CDYL2: variants seen among roughly 807,000 people sequenced by gnomAD.
The protein encoded by CDYL2 is chromodomain Y like 2.
CDYL2 carries 23 observed loss-of-function variants against 49.4 expected under a neutral mutation model. That is an observed-to-expected ratio of 0.47 (90% confidence interval 0.34 to 0.66). CDYL2 has a LOEUF of 0.66. Ranked by LOEUF, CDYL2 falls within the 30% of genes least tolerant of loss-of-function variation. CDYL2 has a pLI of 0.01. For synonymous variants in CDYL2, 360 were observed against 268.8 expected, an observed-to-expected ratio of 1.34 and a Z score of -3.32; for missense variants, 678 against 656.4, an observed-to-expected ratio of 1.03 and a Z score of -0.36.
At chr16:80,747,215 G>A (rs1181070228) in intron 1 of CDYL2, among the ~76,000 whole-genome samples, 1 of 152,136 alleles carries the variant, frequency 6.6e-6, no homozygotes, top group Non-Finnish European at 1.5e-5. Context: ...CCCACCACCT[G>A]TCGATGTTCC....
chr16:80,703,419 A>G (rs189497016), intron 1 of CDYL2, among the ~76,000 whole-genome samples: 1 of 152,286 alleles, frequency 6.6e-6, no homozygotes, highest in East Asian at 1.9e-4. Flanking sequence ...GAACACAGAA[A>G]GCCTCAGGCT....
In CDYL2 at chr16:80,792,127, C is replaced by A. The variant is rs145168093; in HGVS notation, c.24+12023G>T. Among the ~76,000 whole-genome samples the A allele has an allele frequency of 9.9e-5, 15 of 152,248 alleles. No homozygotes were observed. The East Asian group carries it at 2.7e-3, about 27-fold the overall frequency. ...GAGGCTAGGAATCCAGAAGGAAGAT[C>A]CTAACTTCAACTTTTGATATTTTGA... On this transcript the variant is annotated intron_variant, in intron 1 of 6. Transcript: ENST00000570137.
Position 80,692,287 on chromosome 16 carries a change from G to T in CDYL2, c.25-7158C>A, listed in dbSNP as rs574948435. 4.6e-5 allele frequency among the ~76,000 whole-genome samples: 7 copies of T among 152,186 alleles called. No individual in the cohort carries two copies. The South Asian group carries it at 1.5e-3, about 32-fold the overall frequency. ...ACTGAATTATCTGCCTCATCCCCCA[G>T]CCCTCCCCCATCCAAAAATCAGGCC... On this transcript the variant is annotated intron_variant, in intron 1 of 6. Coordinates refer to ENST00000570137, the MANE Select transcript of CDYL2 (RefSeq NM_152342.4).
rs578240363 is a variant in CDYL2, at chr16:80,793,008, A to G, written c.24+11142T>C. 2.0e-5 allele frequency among the ~76,000 whole-genome samples: 3 copies of G among 152,304 alleles called. No individual in the cohort carries two copies. The East Asian group carries it at 5.8e-4, about 29-fold the overall frequency. On this transcript the variant is annotated intron_variant, in intron 1 of 6. Transcript: ENST00000570137. ...AGCTGAGATCTTAGTTGTAACCTCA[A>G]TGCAGAGCAGCTTCGCCATCTGTCC...
intron 2 of CDYL2, among the ~76,000 whole-genome samples, chr16:80,635,691 T>C (rs933623327): frequency 1.3e-5 from 2 of 152,228 alleles, no homozygotes; most frequent in Non-Finnish European, 2.9e-5. Flanking sequence ...ACTGAATTTC[T>C]TTACAGAATT....
chr16:80,804,580 C>T lies in CDYL2; in HGVS notation c.-407G>A, dbSNP rs1413019770. ...GAAGCCGCCCGGCGCCCGCCGCCGGCCCGGACGCTGCTGCCACTGGGCGAG... is the reference window on the plus strand; with the variant it reads ...GAAGCCGCCCGGCGCCCGCCGCCGGTCCGGACGCTGCTGCCACTGGGCGAG... On this transcript the variant is annotated 5_prime_UTR_variant, in exon 1 of 7. Transcript: ENST00000570137. 6.9e-6 allele frequency among the ~76,000 whole-genome samples: 1 copy of T among 145,416 alleles called. No homozygotes were observed. Among genetic ancestry groups the T allele is most frequent in the Non-Finnish European group, 1.5e-5 (1 of 65,452 alleles).
At chr16:80,764,654 TGGTATCTAATA>T (rs1906651889) in intron 1 of CDYL2, among the ~76,000 whole-genome samples, 1 of 152,164 alleles carries the variant, frequency 6.6e-6, no homozygotes, top group Non-Finnish European at 1.5e-5. Context: ...CTAGCATCAA[TGGTATCTAATA>T]TATACTGTAG....
rs767924241 is a variant in CDYL2, at chr16:80,792,677, T to C, written c.24+11473A>G. On this transcript the variant is annotated intron_variant, in intron 1 of 6. Transcript: ENST00000570137. Reference sequence around the variant, plus strand: ...GGGCAAGAAGGGATGGTGTCATGGATAACGTGATACTCCACCCAGGAGTAT... The same window carrying C: ...GGGCAAGAAGGGATGGTGTCATGGACAACGTGATACTCCACCCAGGAGTAT... 9.9e-5 allele frequency among the ~76,000 whole-genome samples: 15 copies of C among 152,226 alleles called. No individual in the cohort carries two copies. In the South Asian group the frequency reaches 3.1e-3, roughly 32 times the overall value.
chr16:80,765,657 AATCCAAATGTCC>A (rs1350137665), intron 1 of CDYL2, among the ~76,000 whole-genome samples: 1 of 151,364 alleles, frequency 6.6e-6, no homozygotes, highest in Non-Finnish European at 1.5e-5. Flanking sequence ...ATGTGAAAAC[AATCCAAATGTCC>A]ATCAACTGAA....
At chr16:80,709,567 C>CAG (rs1341749000) in intron 1 of CDYL2, among the ~76,000 whole-genome samples, 1 of 146,690 alleles carries the variant, frequency 6.8e-6, no homozygotes, top group Non-Finnish European at 1.5e-5. Flanking sequence ...AACAGACACA[C>CAG]ACACACACAC....
intron 4 of CDYL2, among the ~76,000 whole-genome samples, chr16:80,620,323 A>G (rs1907022463): frequency 2.0e-5 from 3 of 152,298 alleles, no homozygotes; most frequent in South Asian, 4.1e-4. Context: ...GAACCCCTCC[A>G]TCAACCTCCC....
At chr16:80,616,818 A>G (rs2142370900) in intron 4 of CDYL2, among the ~76,000 whole-genome samples, 1 of 152,338 alleles carries the variant, frequency 6.6e-6, no homozygotes, top group South Asian at 2.1e-4. Context: ...TTTCACACAG[A>G]GTATCTTTTT....
At chr16:80,733,249 C>A (rs1905396370) in intron 1 of CDYL2, among the ~76,000 whole-genome samples, 1 of 152,164 alleles carries the variant, frequency 6.6e-6, no homozygotes, top group Non-Finnish European at 1.5e-5. Flanking sequence ...TGCAGAATCT[C>A]CACTGTGTGC....
At chr16:80,715,567 C>T (rs112742916) in intron 1 of CDYL2, among the ~76,000 whole-genome samples, 14 of 152,274 alleles carry the variant, frequency 9.2e-5, no homozygotes, top group African/African-American at 3.1e-4. Context: ...AAAATCTCTG[C>T]ACCCCTCCGG....
At chr16:80,701,392 AT>A (rs138486000) in intron 1 of CDYL2, among the ~76,000 whole-genome samples, 1,731 of 152,316 alleles carry the variant, frequency 0.011, 13 homozygotes, top group South Asian at 0.017. Flanking sequence ...TTCTATTCAA[AT>A]TCTTCTGTAA....
At chr16:80,751,973 G>A (rs1002518890) in intron 1 of CDYL2, among the ~76,000 whole-genome samples, 12 of 152,072 alleles carry the variant, frequency 7.9e-5, no homozygotes, top group African/African-American at 2.7e-4. Context: ...AAATTCAACC[G>A]TAAATTACCA....
intron 2 of CDYL2, among the ~76,000 whole-genome samples, chr16:80,645,900 C>G (rs1040387708): frequency 1.3e-5 from 2 of 148,958 alleles, no homozygotes; most frequent in African/African-American, 2.5e-5. Context: ...AAACCAAACA[C>G]CGCATGTTCT....
At chr16:80,779,360 A>C (rs1907191258) in intron 1 of CDYL2, among the ~76,000 whole-genome samples, 1 of 152,112 alleles carries the variant, frequency 6.6e-6, no homozygotes, top group African/African-American at 2.4e-5. Context: ...TTTTTAAATA[A>C]TACGAGTAGT....
rs1051715404 is a variant in CDYL2 at position 80,692,342 on chromosome 16, T to C, written c.25-7213A>G. ...TCAGAACATTATGTTCCAGAACACC[T>C]GTTGAAGCAATAAATATTCTGAACT... is the stretch of plus-strand genomic sequence containing the variant. On this transcript the variant is annotated intron_variant, in intron 1 of 6. Coordinates refer to ENST00000570137, the MANE Select transcript of CDYL2 (RefSeq NM_152342.4). Among the ~76,000 whole-genome samples, 7 of 152,264 alleles carry C rather than the reference T, an allele frequency of 4.6e-5. No individual in the cohort carries two copies. The East Asian group carries it at 1.3e-3, about 29-fold the overall frequency.
Sources: gnomAD v4.1 joint callset for allele counts (sites outside exome capture counted in the v4.1 genomes callset) on GRCh38, gnomAD v4.1.1 for gene constraint, MANE v1.5 for transcripts, NCBI Gene and HGNC (gene_info 2026-07-23, HGNC 2026-07-21) for gene names.